SLC24A4: variants seen among roughly 807,000 people sequenced by gnomAD.
SLC24A4 encodes solute carrier family 24 member 4, also known as sodium/potassium/calcium exchanger 4.
A neutral mutation model predicts 79.0 loss-of-function variants in SLC24A4; 53 were observed. The observed-to-expected ratio is 0.67, with a 90% CI of 0.54 to 0.84. The LOEUF is 0.84. Ranked by LOEUF, SLC24A4 falls within the 40% of genes least tolerant of loss-of-function variation. The probability of loss-of-function intolerance (pLI) is 0.00; values close to 1 mark genes in which losing one functional copy is unlikely to be tolerated. For synonymous variants in SLC24A4, 323 were observed against 323.8 expected (o/e 1.00, Z 0.03); for missense variants, 731 against 822.0 (o/e 0.89, Z 1.35).
chr14:92,407,802 A>T (rs1890473165), intron 2 of SLC24A4, among the ~76,000 whole-genome samples: 1 of 152,128 alleles, frequency 6.6e-6, no homozygotes, highest in South Asian at 2.1e-4. Context: ...TTGGGCAGGG[A>T]TACAAATCCA....
intron 12 of SLC24A4, among the ~76,000 whole-genome samples, chr14:92,467,727 A>T (rs1894201809): frequency 6.6e-6 from 1 of 152,194 alleles, no homozygotes. Context: ...AGGACCATGT[A>T]TCAGGGTCCT....
At chr14:92,445,377 TTTG>T in intron 8 of SLC24A4, 35 bp downstream of exon 8, 3 of 1,608,570 alleles carry the variant, frequency 1.9e-6, no homozygotes, top group East Asian at 2.2e-5. Context: ...ATTGTTCTTT[TTTG>T]TTGTTGTTTC....
At chr14:92,493,368 A>G in intron 16 of SLC24A4, 108 bp from the exon 17 acceptor site, 2 of 1,366,952 alleles carry the variant, frequency 1.5e-6, no homozygotes, top group Non-Finnish European at 2.0e-6. Context: ...ACTTGCCCAC[A>G]TTCTGCAGAA....
chr14:92,337,008 G>A (rs765403848), intron 2 of SLC24A4, among the ~76,000 whole-genome samples: 4 of 152,116 alleles, frequency 2.6e-5, no homozygotes, highest in African/African-American at 4.8e-5. Flanking sequence ...AGATTACCAG[G>A]TACAATAGTA....
chr14:92,399,261 G>T (rs1380810546), intron 2 of SLC24A4, among the ~76,000 whole-genome samples: 2 of 152,148 alleles, frequency 1.3e-5, no homozygotes, highest in African/African-American at 4.8e-5. Context: ...CTATAAACTT[G>T]CTTATGCGGC....
At chr14:92,443,258 TA>T in intron 6 of SLC24A4, 141 bp from the exon 7 acceptor site, 1 of 750,340 alleles carries the variant, frequency 1.3e-6, no homozygotes. Flanking sequence ...CCCCAAATTA[TA>T]ACAAAGAACA....
intron 2 of SLC24A4, among the ~76,000 whole-genome samples, chr14:92,415,754 G>A (rs1224409480): frequency 1.3e-5 from 2 of 151,968 alleles, no homozygotes; most frequent in Admixed American, 1.3e-4. Flanking sequence ...CACTGCGCCC[G>A]GCCTCTATGT....
chr14:92,392,480 A>G (rs1314278123), intron 2 of SLC24A4, among the ~76,000 whole-genome samples: 1 of 151,904 alleles, frequency 6.6e-6, no homozygotes, highest in African/African-American at 2.4e-5. Flanking sequence ...TCCTCGAGGT[A>G]TGTATCGGGG....
Position 92,496,698 on chromosome 14 carries a change from C to T in SLC24A4, c.*3070C>T, listed in dbSNP as rs1438021171. 3 of 152,250 alleles carry T rather than the reference C, an allele frequency of 2.0e-5. No homozygotes were observed. Among genetic ancestry groups the T allele is most frequent in the East Asian group, 1.9e-4 (1 of 5,198 alleles). The allele number at this position is 152,250 out of a possible 1,614,324, so 9.4% of individuals were successfully genotyped here. On this transcript the variant is annotated 3_prime_UTR_variant, in exon 17 of 17. Coordinates refer to ENST00000532405, the MANE Select transcript of SLC24A4 (RefSeq NM_153646.4). ...CACCGTGGGCAGGACACAGTCCTCG[C>T]CTTACCCACCCCATCCTTCCTGTTA...
intron 2 of SLC24A4, among the ~76,000 whole-genome samples, chr14:92,369,419 CT>C (rs1486532009): frequency 2.6e-5 from 4 of 152,158 alleles, no homozygotes; most frequent in Admixed American, 6.5e-5. Flanking sequence ...CTACAAGAAA[CT>C]GGCCTGGAGA....
Position 92,396,187 on chromosome 14 carries a change from G to C in SLC24A4, c.242-37725G>C, listed in dbSNP as rs139717326. ...TTATAAGCAAATCACGAATAGTTTA[G>C]CTGCATTGCCAGTCTAGTTTGGTGT... On this transcript the variant is annotated intron_variant, in intron 2 of 16. Coordinates refer to ENST00000532405, the MANE Select transcript of SLC24A4 (RefSeq NM_153646.4). 6.0e-4 allele frequency among the ~76,000 whole-genome samples: 92 copies of C among 152,310 alleles called. 1 individual carries two copies. In the East Asian group the frequency reaches 0.014, roughly 23 times the overall value.
intron 12 of SLC24A4, chr14:92,457,352 A>G (rs993268956): frequency 6.5e-6 from 1 of 152,936 alleles, no homozygotes; most frequent in African/African-American, 2.4e-5. Context: ...GCTGGAATGC[A>G]GTTTCCCCAG....
chr14:92,334,105 C>T (rs1257213852), intron 2 of SLC24A4, among the ~76,000 whole-genome samples: 1 of 152,200 alleles, frequency 6.6e-6, no homozygotes, highest in Non-Finnish European at 1.5e-5. Context: ...AATGATGCCT[C>T]AGTGGACTTG....
chr14:92,461,237 C>G (rs986505453), intron 12 of SLC24A4, among the ~76,000 whole-genome samples: 2 of 152,196 alleles, frequency 1.3e-5, no homozygotes. Flanking sequence ...TCACATTGTT[C>G]TTACCAGGAC....
intron 2 of SLC24A4, among the ~76,000 whole-genome samples, chr14:92,349,160 G>A (rs1886719617): frequency 6.7e-6 from 1 of 149,402 alleles, no homozygotes; most frequent in South Asian, 2.1e-4. Context: ...AAAGTGACTG[G>A]AAGATTTTTT....
chr14:92,443,696 AAGC>A (rs1482551679), intron 7 of SLC24A4, among the ~76,000 whole-genome samples: 2 of 152,226 alleles, frequency 1.3e-5, no homozygotes, highest in Admixed American at 1.3e-4. Context: ...CTCCCACAGA[AAGC>A]AGGAGAGAAT....
intron 2 of SLC24A4, among the ~76,000 whole-genome samples, chr14:92,385,234 C>T (rs1027616650): frequency 5.3e-5 from 8 of 152,130 alleles, no homozygotes; most frequent in South Asian, 2.1e-4. Flanking sequence ...CGGCCAGGCG[C>T]GGTGGCTCAT....
At chr14:92,454,924 T>A (rs184449854) in intron 11 of SLC24A4, among the ~76,000 whole-genome samples, 40 of 152,328 alleles carry the variant, frequency 2.6e-4, no homozygotes, top group African/African-American at 9.6e-4. Context: ...ATGCATGCAT[T>A]AATTGTACCC....
chr14:92,447,668 A>G (rs577644021), intron 9 of SLC24A4, among the ~76,000 whole-genome samples: 20 of 152,314 alleles, frequency 1.3e-4, no homozygotes, highest in Admixed American at 2.6e-4. Context: ...GTGGACCACA[A>G]GGCTGCTCTC....
Sources: gnomAD v4.1 joint callset for allele counts (sites outside exome capture counted in the v4.1 genomes callset) on GRCh38, gnomAD v4.1.1 for gene constraint, MANE v1.5 for transcripts, NCBI Gene and HGNC (gene_info 2026-07-23, HGNC 2026-07-21) for gene names.